The following NIN variants were observed in gnomAD, a reference collection of about 807,000 sequenced individuals.
NIN encodes the protein glycogen synthase kinase 3 beta-interacting protein.
Under a neutral mutation model 257.6 loss-of-function variants are expected in NIN, and 137 were observed. That is an observed-to-expected ratio of 0.53 (90% CI 0.46 to 0.61). NIN has a LOEUF of 0.61. NIN is among the 20% of genes least tolerant of loss of function. NIN has a pLI of 0.00. For synonymous variants in NIN, 918 were observed against 919.8 expected, an observed-to-expected ratio of 1.00 and a Z score of 0.04; for missense variants, 2,439 against 2,501.2, an observed-to-expected ratio of 0.98 and a Z score of 0.53.
intron 2 of NIN, among the ~76,000 whole-genome samples, chr14:50,826,692 GGAGTGAAAAAGGGACAAAGTCTGGC>G (rs2045472465): frequency 1.3e-5 from 2 of 152,282 alleles, no homozygotes; most frequent in African/African-American, 4.8e-5. Flanking sequence ...TGGGCCAGAG[GGAGTGAAAAAGGGACAAAGTCTGGC>G]GAGTGAAAAG....
chr14:50,756,551 T>G lies in NIN; in HGVS notation c.4479A>C (p.Ala1493=), dbSNP rs1039762993. Residue 1493 remains alanine, a synonymous_variant, in exon 18 of 31, where the codon GCA becomes GCC. Coordinates refer to ENST00000530997, the MANE Select transcript of NIN (RefSeq NM_020921.4). The part of the protein sequence containing the change: ...SHGEKEEELK[A]MMHDLQITCS... The stretch of plus-strand genomic sequence containing the variant: ...ACGTGATCTGCAAGTCATGCATCAT[T>G]GCCTTCAGCTCTTCCTCCTTTTCTC... 1 of 1,613,224 alleles carries G rather than the reference T, an allele frequency of 6.2e-7. No homozygotes were observed. Among genetic ancestry groups the G allele is most frequent in the African/African-American group, 1.3e-5 (1 of 74,896 alleles).
intron 4 of NIN, among the ~76,000 whole-genome samples, chr14:50,801,775 GTCTGTT>G: frequency 6.6e-6 from 1 of 152,286 alleles, no homozygotes; most frequent in Admixed American, 6.5e-5. Flanking sequence ...AACTAGGAAG[GTCTGTT>G]ACAATGAAAC....
rs757823953 is a variant in NIN at position 50,742,674 on chromosome 14, G to A, written c.5301+742C>T. Among the ~76,000 whole-genome samples, 11 of 152,198 alleles carry A rather than the reference G, an allele frequency of 7.2e-5. No individual in the cohort carries two copies. The South Asian group carries it at 1.9e-3, about 26-fold the overall frequency. The stretch of plus-strand genomic sequence containing the variant: ...CTCCCAAAGTGCTGGGATTACAGGC[G>A]TGAGTCACCGTGCCTGGCTAAGACC... On this transcript the variant is annotated intron_variant, in intron 24 of 30. Transcript: ENST00000530997.
chr14:50,827,495 C>A (rs933482463), intron 2 of NIN, among the ~76,000 whole-genome samples: 3 of 151,578 alleles, frequency 2.0e-5, no homozygotes, highest in Admixed American at 6.6e-5. Flanking sequence ...TGCCTGTAAT[C>A]ATAGCACTTT....
At chr14:50,775,282 G>C (rs971870394) in intron 7 of NIN, among the ~76,000 whole-genome samples, 1 of 152,006 alleles carries the variant, frequency 6.6e-6, no homozygotes, top group Non-Finnish European at 1.5e-5. Context: ...GGCCAGATTC[G>C]GCATCGGGCA....
chr14:50,817,286 A>G (rs2044949724), intron 3 of NIN, among the ~76,000 whole-genome samples: 1 of 152,252 alleles, frequency 6.6e-6, no homozygotes, highest in South Asian at 2.1e-4. Flanking sequence ...CATACAGAGA[A>G]CAAGTCCAAA....
intron 21 of NIN, among the ~76,000 whole-genome samples, chr14:50,750,226 T>C (rs1874403808): frequency 6.6e-6 from 1 of 152,182 alleles, no homozygotes; most frequent in Admixed American, 6.5e-5. Context: ...GGAACCCTGG[T>C]TCCTTTTATA....
chr14:50,789,817 A>G, intron 5 of NIN, among the ~76,000 whole-genome samples: 1 of 152,214 alleles, frequency 6.6e-6, no homozygotes, highest in Non-Finnish European at 1.5e-5. Flanking sequence ...GAACTTCTAT[A>G]GGCCAACAGA....
intron 4 of NIN, among the ~76,000 whole-genome samples, chr14:50,796,571 G>A (rs2043847939): frequency 1.3e-5 from 2 of 152,194 alleles, no homozygotes; most frequent in South Asian, 4.1e-4. Context: ...CCAGAGCTTC[G>A]ATAATGTTCC....
At chr14:50,747,057 G>C (rs980305145) in intron 22 of NIN, among the ~76,000 whole-genome samples, 2 of 152,098 alleles carry the variant, frequency 1.3e-5, no homozygotes, top group African/African-American at 4.8e-5. Flanking sequence ...GTTTTGTCCT[G>C]TTGCCCAGGC....
chr14:50,769,031 G>A (rs560708380), intron 12 of NIN, among the ~76,000 whole-genome samples: 29 of 151,976 alleles, frequency 1.9e-4, no homozygotes, highest in Admixed American at 1.6e-3. Context: ...AGAAATTCAC[G>A]AAATGAAACA....
chr14:50,791,533 G>T (rs2043589620), intron 5 of NIN, among the ~76,000 whole-genome samples: 1 of 151,522 alleles, frequency 6.6e-6, no homozygotes, highest in African/African-American at 2.4e-5. Flanking sequence ...CACTTGTGGT[G>T]AAGGACAAGT....
At position 50,759,928 on chromosome 14, in the gene NIN, T is replaced by C; in HGVS notation, c.2328A>G (p.Lys776=). 1 of 1,614,196 alleles carries C rather than the reference T, an allele frequency of 6.2e-7. No individual in the cohort carries two copies. The highest frequency in any genetic ancestry group is 8.5e-7 in the Non-Finnish European group (1 of 1,180,034). ...HQEQLTSLVE[K]HTLEKEELRK... is the part of the protein sequence containing the mutation. The stretch of plus-strand genomic sequence containing the variant: ...TTAACTCCTCTTTCTCAAGAGTGTG[T>C]TTCTCCACCAGGCTTGTCAGCTGCT... Residue 776 remains lysine, a synonymous_variant, in exon 17 of 31, where the codon AAA becomes AAG. Transcript: ENST00000530997.
Position 50,755,648 on chromosome 14 carries a change from C to CT in NIN, c.4539-782dup, listed in dbSNP as rs71118900. Among the ~76,000 whole-genome samples, 322 of 79,980 alleles carry CT rather than the reference C, an allele frequency of 4.0e-3. 15 individuals carry two copies. Among genetic ancestry groups the CT allele is most frequent in the African/African-American group, 0.019 (295 of 15,428 alleles). The allele number at this position is 79,980 out of a possible 152,430, so 52.5% of individuals were successfully genotyped here. On this transcript the variant is annotated intron_variant, in intron 18 of 30. Transcript: ENST00000530997. Reference sequence around the variant, plus strand: ...TAAATTTCCACTGTTTGTTTTGTCTCTTTTTTTTTTTTTTTTTTTTTTTTT... The same window carrying CT: ...TAAATTTCCACTGTTTGTTTTGTCTCTTTTTTTTTTTTTTTTTTTTTTTTTT...
In NIN at chr14:50,741,728, C is replaced by A. The variant is rs151233126; in HGVS notation, c.5302G>T (p.Val1768Phe). 118 of 1,613,262 alleles carry A rather than the reference C, an allele frequency of 7.3e-5. 1 individual carries two copies. In the Middle Eastern group the frequency reaches 8.3e-4, roughly 11 times the overall value. The part of the protein sequence containing the change: ...KSQLVASQEK[V>F]QNLEDTVQNV... The stretch of plus-strand genomic sequence containing the variant: ...TGCACGGTGTCTTCTAAATTCTGAA[C>A]CTGTATTGTGAGAATGATCTTTTAC... Residue 1768 changes from valine to phenylalanine, a missense_variant and splice_region_variant, in exon 25 of 31, where the codon GTT becomes TTT. By Grantham distance (50) the Val-to-Phe change is conservative (BLOSUM62 -1). This residue lies in a region of NIN where 2,043 missense variants were observed against 2,050.2 expected (regional missense o/e 1.00). Coordinates refer to ENST00000530997, the MANE Select transcript of NIN (RefSeq NM_020921.4).
chr14:50,772,037 AC>A, intron 9 of NIN: 7 of 351,640 alleles, frequency 2.0e-5, no homozygotes, highest in Non-Finnish European at 2.1e-5. Flanking sequence ...AACAACAACA[AC>A]AACACTATCT....
chr14:50,814,978 T>G (rs1167763441), intron 3 of NIN, among the ~76,000 whole-genome samples: 1 of 152,208 alleles, frequency 6.6e-6, no homozygotes, highest in Non-Finnish European at 1.5e-5. Flanking sequence ...GACATAGGCA[T>G]GGGCAAAGAT....
intron 5 of NIN, among the ~76,000 whole-genome samples, chr14:50,785,356 G>A (rs916313975): frequency 2.6e-5 from 4 of 152,228 alleles, no homozygotes; most frequent in African/African-American, 4.8e-5. Flanking sequence ...AGACCTTTGC[G>A]CCCCGCAGAA....
intron 4 of NIN, among the ~76,000 whole-genome samples, chr14:50,794,213 T>C (rs1397858846): frequency 6.6e-6 from 1 of 152,222 alleles, no homozygotes; most frequent in Non-Finnish European, 1.5e-5. Context: ...TGGGACAAGC[T>C]CGGATTTCAC....
Sources: allele counts gnomAD v4.1 joint callset (sites outside exome capture counted in the v4.1 genomes callset), GRCh38; gene constraint gnomAD v4.1.1; regional missense constraint gnomAD v4.1.1; transcripts MANE v1.5; gene names NCBI Gene and HGNC (gene_info 2026-07-23, HGNC 2026-07-21).